The following SKA3 variants were observed in gnomAD, a reference collection of about 807,000 sequenced individuals.
SKA3 encodes spindle and kinetochore associated complex subunit 3.
A neutral mutation model predicts 44.2 loss-of-function variants in SKA3; 39 were observed. The ratio of observed to expected loss-of-function variants is 0.88; its 90% CI spans 0.68 to 1.15. The LOEUF is 1.15. Ranked by LOEUF, SKA3 falls within the 50% of genes most tolerant of loss-of-function variation. The pLI, the probability that SKA3 is intolerant of heterozygous loss-of-function variation, is 0.00. For missense variants in SKA3, 511 were observed against 485.8 expected (o/e 1.05, Z -0.49); for synonymous variants, 192 against 172.0 (o/e 1.12, Z -0.91).
chr13:21,158,105 T>C lies in SKA3; in HGVS notation c.936A>G (p.Leu312=), dbSNP rs1870231113. Residue 312 remains leucine, a synonymous_variant, in exon 7 of 9, where the codon TTA becomes TTG. Transcript: ENST00000314759. ...SIALVSTNYP[L]SKTNSSSNDL... Reference sequence around the variant, plus strand: ...CATTTGATGAACTATTTGTTTTTGATAATGGGTAATTTGTGGATACCTATT... The same window carrying C: ...CATTTGATGAACTATTTGTTTTTGACAATGGGTAATTTGTGGATACCTATT... 6.2e-7 allele frequency: 1 copy of C among 1,607,138 alleles called. No homozygotes were observed. The highest frequency in any genetic ancestry group is 8.5e-7 in the Non-Finnish European group (1 of 1,173,982).
intron 5 of SKA3, among the ~76,000 whole-genome samples, 172 bp downstream of exon 5, chr13:21,161,618 T>C (rs1870443797): frequency 2.0e-5 from 3 of 152,230 alleles, no homozygotes. Flanking sequence ...CCAGAAAATT[T>C]TCTTTCTCTT....
intron 1 of SKA3, among the ~76,000 whole-genome samples, chr13:21,175,062 C>T (rs746973069): frequency 6.6e-6 from 1 of 151,974 alleles, no homozygotes; most frequent in Non-Finnish European, 1.5e-5. Flanking sequence ...CTGCAACCTC[C>T]GCTTCCAGGG....
intron 8 of SKA3, among the ~76,000 whole-genome samples, chr13:21,155,408 ATTTTTTTT>A (rs369888291): frequency 6.9e-6 from 1 of 144,994 alleles, no homozygotes; most frequent in Non-Finnish European, 1.5e-5. Flanking sequence ...TCAAATGTTA[ATTTTTTTT>A]TTTTTTTTTT....
intron 5 of SKA3, among the ~76,000 whole-genome samples, chr13:21,161,473 C>A (rs2137363386): frequency 6.6e-6 from 1 of 152,234 alleles, no homozygotes; most frequent in South Asian, 2.1e-4. Flanking sequence ...AGATAATGTA[C>A]AACTCTAATC....
intron 4 of SKA3, 40 bp from the exon 5 acceptor site, chr13:21,161,915 T>A: frequency 6.8e-7 from 1 of 1,475,054 alleles, no homozygotes; most frequent in Non-Finnish European, 9.3e-7. Flanking sequence ...TTAAAAAAGT[T>A]AACATTCAAT....
chr13:21,158,210 TG>T, intron 6 of SKA3, 85 bp from the exon 7 acceptor site: 1 of 759,598 alleles, frequency 1.3e-6, no homozygotes, highest in South Asian at 2.4e-5. Context: ...TTACTTCTAT[TG>T]GGGTCTCTAA....
intron 4 of SKA3, among the ~76,000 whole-genome samples, chr13:21,165,476 G>GT (rs1870660458): frequency 6.6e-6 from 1 of 151,976 alleles, no homozygotes; most frequent in African/African-American, 2.4e-5. Flanking sequence ...GTTGCCCTGT[G>GT]TAACTATATA....
intron 4 of SKA3, 141 bp from the exon 5 acceptor site, chr13:21,162,016 C>A: frequency 6.0e-6 from 3 of 500,940 alleles, no homozygotes; most frequent in South Asian, 8.1e-5. Flanking sequence ...GAAACAAATT[C>A]TTTTCTTTTT....
chr13:21,156,778 G>GTAAGTAATAATT (rs1316227433), intron 7 of SKA3, among the ~76,000 whole-genome samples: 1 of 58,572 alleles, frequency 1.7e-5, no homozygotes, highest in Non-Finnish European at 4.1e-5. Flanking sequence ...TTCCACACGT[G>GTAAGTAATAATT]GGCCGGGCGC....
intron 8 of SKA3, 98 bp downstream of exon 8, chr13:21,155,595 C>A (rs1046941447): frequency 4.7e-6 from 3 of 643,864 alleles, no homozygotes; most frequent in Non-Finnish European, 7.8e-6. Flanking sequence ...TTAGTAGAGA[C>A]GAGGTTTCAC....
chr13:21,168,233 G>A lies in SKA3; in HGVS notation c.498C>T (p.Tyr166=). Residue 166 remains tyrosine, a synonymous_variant, in exon 4 of 9, where the codon TAC becomes TAT. Transcript: ENST00000314759. The part of the protein sequence containing the change: ...PQLSDFGLER[Y]IVSQVLPNPP... The stretch of plus-strand genomic sequence containing the variant: ...GGTTTGGTAGAACTTGGGATACGAT[G>A]TACCGCTCAAGTCCAAAATCTGAAA... 2 of 1,614,182 alleles carry A rather than the reference G, an allele frequency of 1.2e-6. No homozygotes were observed. Among genetic ancestry groups the A allele is most frequent in the Admixed American group, 3.3e-5 (2 of 60,022 alleles).
chr13:21,170,740 T>C (rs1870992606), intron 3 of SKA3, among the ~76,000 whole-genome samples: 1 of 152,280 alleles, frequency 6.6e-6, no homozygotes, highest in South Asian at 2.1e-4. Context: ...CATAGGGAGA[T>C]ATTATTATCC....
chr13:21,176,180 C>A (rs1213254334), intron 1 of SKA3, among the ~76,000 whole-genome samples, 195 bp downstream of exon 1: 1 of 152,182 alleles, frequency 6.6e-6, no homozygotes, highest in Non-Finnish European at 1.5e-5. Context: ...TAGGAATAAA[C>A]CATAAACAGG....
At position 21,157,743 on chromosome 13, in the gene SKA3, T is replaced by C. The variant is rs138254821; in HGVS notation, c.1119+179A>G. ...ACCATGATCGACATGGAAACCACAGTTGAACAAGAATTAGAAAATAAGGTC... is the reference window on the plus strand; with the variant it reads ...ACCATGATCGACATGGAAACCACAGCTGAACAAGAATTAGAAAATAAGGTC... On this transcript the variant is annotated intron_variant, in intron 7 of 8. Coordinates refer to ENST00000314759, the MANE Select transcript of SKA3 (RefSeq NM_145061.6). 3.5e-3 allele frequency among the ~76,000 whole-genome samples: 526 copies of C among 152,272 alleles called. 4 individuals carry two copies. Among genetic ancestry groups the C allele is most frequent in the African/African-American group, 0.012 (496 of 41,558 alleles).
intron 1 of SKA3, among the ~76,000 whole-genome samples, chr13:21,175,929 T>A (rs746671883): frequency 2.4e-4 from 36 of 152,212 alleles, no homozygotes; most frequent in Non-Finnish European, 4.9e-4. Context: ...GTTAAATAGC[T>A]TGATTCTAAG....
intron 7 of SKA3, 62 bp downstream of exon 7, chr13:21,157,860 T>G: frequency 8.4e-6 from 9 of 1,069,954 alleles, no homozygotes; most frequent in Non-Finnish European, 1.1e-5. Context: ...TTCAGGTCTT[T>G]AAATATTTCA....
At chr13:21,158,741 G>A (rs1267862021) in intron 6 of SKA3, among the ~76,000 whole-genome samples, 2 of 152,172 alleles carry the variant, frequency 1.3e-5, no homozygotes, top group Admixed American at 6.6e-5. Context: ...GTAGTCAGAC[G>A]AAAATCACAG....
intron 1 of SKA3, among the ~76,000 whole-genome samples, chr13:21,175,803 ACT>A (rs1481438301): frequency 6.6e-6 from 1 of 152,236 alleles, no homozygotes; most frequent in Non-Finnish European, 1.5e-5. Flanking sequence ...ACTGTTGAGT[ACT>A]AGTGTTTGTG....
At chr13:21,172,912 T>C (rs9316157) in intron 1 of SKA3, among the ~76,000 whole-genome samples, 67,644 of 152,048 alleles carry the variant, frequency 0.44, 16,790 homozygotes, top group East Asian at 0.72. Context: ...TGCAGTCGCA[T>C]GCTATACAGG....
Sources: allele counts gnomAD v4.1 joint callset (sites outside exome capture counted in the v4.1 genomes callset), GRCh38; gene constraint gnomAD v4.1.1; transcripts MANE v1.5; gene names NCBI Gene and HGNC (gene_info 2026-07-23, HGNC 2026-07-21).